CACNA2D3: variants seen among roughly 807,000 people sequenced by gnomAD.
CACNA2D3 encodes voltage-dependent calcium channel subunit alpha-2/delta-3.
Under a neutral mutation model 160.6 loss-of-function variants are expected in CACNA2D3, and 60 were observed. That is an observed-to-expected ratio of 0.37 (90% CI 0.30 to 0.46). The LOEUF is 0.46. CACNA2D3 is among the 20% of genes least tolerant of loss of function. CACNA2D3 has a pLI of 1.00. For missense variants in CACNA2D3, 1,205 were observed against 1,365.0 expected, an observed-to-expected ratio of 0.88 and a Z score of 1.85; for synonymous variants, 558 against 492.9, an observed-to-expected ratio of 1.13 and a Z score of -1.75.
intron 3 of CACNA2D3, among the ~76,000 whole-genome samples, chr3:54,331,557 T>G (rs1397751093): frequency 6.6e-6 from 1 of 152,208 alleles, no homozygotes; most frequent in Non-Finnish European, 1.5e-5. Flanking sequence ...TGAGTGCTTC[T>G]TGCTTGCCAA....
chr3:54,181,200 A>T (rs1339576214), intron 2 of CACNA2D3, among the ~76,000 whole-genome samples: 1 of 152,206 alleles, frequency 6.6e-6, no homozygotes, highest in Non-Finnish European at 1.5e-5. Context: ...TTTATTATAT[A>T]AGGAGGCACT....
At chr3:54,995,783 A>G (rs1199999398) in intron 31 of CACNA2D3, among the ~76,000 whole-genome samples, 1 of 152,222 alleles carries the variant, frequency 6.6e-6, no homozygotes, top group Non-Finnish European at 1.5e-5. Flanking sequence ...AGTTATTGTG[A>G]AACTACTGAT....
chr3:54,806,824 C>G (rs1703141487), intron 13 of CACNA2D3, among the ~76,000 whole-genome samples: 1 of 152,048 alleles, frequency 6.6e-6, no homozygotes, highest in African/African-American at 2.4e-5. Context: ...CTACAGTAAC[C>G]AAAACAGCAT....
At chr3:54,589,410 C>G (rs549212611) in intron 9 of CACNA2D3, among the ~76,000 whole-genome samples, 5 of 151,750 alleles carry the variant, frequency 3.3e-5, no homozygotes, top group African/African-American at 1.2e-4. Context: ...AGACTTAAAA[C>G]TATACAACCA....
chr3:54,905,178 A>G (rs1462824108), intron 27 of CACNA2D3, among the ~76,000 whole-genome samples: 1 of 152,212 alleles, frequency 6.6e-6, no homozygotes, highest in Non-Finnish European at 1.5e-5. Context: ...TTGATTTGCA[A>G]GAAACACAGA....
chr3:54,758,597 A>G (rs901451417), intron 12 of CACNA2D3, among the ~76,000 whole-genome samples: 1 of 152,126 alleles, frequency 6.6e-6, no homozygotes, highest in South Asian at 2.1e-4. Flanking sequence ...TGTGATCTTG[A>G]CAGGGAGGAG....
At chr3:54,853,147 A>C (rs1699096495) in intron 17 of CACNA2D3, among the ~76,000 whole-genome samples, 1 of 151,356 alleles carries the variant, frequency 6.6e-6, no homozygotes, top group Non-Finnish European at 1.5e-5. Flanking sequence ...GTCACCTCAG[A>C]GAAGCATCGC....
intron 4 of CACNA2D3, among the ~76,000 whole-genome samples, chr3:54,464,976 G>T (rs1401828701): frequency 6.6e-6 from 1 of 151,998 alleles, no homozygotes; most frequent in South Asian, 2.1e-4. Flanking sequence ...CTTCCATAAT[G>T]TGAACATTTG....
At chr3:54,517,641 A>C (rs1701574605) in intron 5 of CACNA2D3, among the ~76,000 whole-genome samples, 1 of 152,200 alleles carries the variant, frequency 6.6e-6, no homozygotes, top group Non-Finnish European at 1.5e-5. Context: ...CAGTGACGTC[A>C]GCAGTAGGTA....
At chr3:54,464,448 C>T (rs891377107) in intron 4 of CACNA2D3, among the ~76,000 whole-genome samples, 1 of 152,248 alleles carries the variant, frequency 6.6e-6, no homozygotes, top group African/African-American at 2.4e-5. Flanking sequence ...TTCCCGGCTG[C>T]TTTGTTTCCC....
intron 4 of CACNA2D3, among the ~76,000 whole-genome samples, chr3:54,492,382 C>A (rs1701124294): frequency 6.6e-6 from 1 of 152,220 alleles, no homozygotes; most frequent in Non-Finnish European, 1.5e-5. Flanking sequence ...ACCAGCTCCT[C>A]TGTCCAAATC....
At chr3:54,699,003 A>G (rs1700716716) in intron 11 of CACNA2D3, among the ~76,000 whole-genome samples, 1 of 152,184 alleles carries the variant, frequency 6.6e-6, no homozygotes, top group Non-Finnish European at 1.5e-5. Context: ...CATTTAGGTA[A>G]GAAGGGTGTA....
At chr3:54,656,834 A>C (rs1212256671) in intron 11 of CACNA2D3, among the ~76,000 whole-genome samples, 1 of 152,212 alleles carries the variant, frequency 6.6e-6, no homozygotes, top group African/African-American at 2.4e-5. Flanking sequence ...GGTACACAAA[A>C]ATTGCACATA....
intron 9 of CACNA2D3, among the ~76,000 whole-genome samples, chr3:54,595,785 A>G (rs1702943215): frequency 6.6e-6 from 1 of 152,110 alleles, no homozygotes; most frequent in Non-Finnish European, 1.5e-5. Context: ...GATTTGATTG[A>G]TTTGAAACTG....
intron 21 of CACNA2D3, 36 bp from the exon 22 acceptor site, chr3:54,885,245 A>G (rs1405330): frequency 0.72 from 1,151,792 of 1,609,900 alleles, 416,702 homozygotes; most frequent in African/African-American, 0.93. Flanking sequence ...TGGGGGAGTG[A>G]TACTTATTCA....
intron 2 of CACNA2D3, among the ~76,000 whole-genome samples, chr3:54,238,462 AAT>A (rs2107404096): frequency 6.6e-6 from 1 of 152,312 alleles, no homozygotes; most frequent in South Asian, 2.1e-4. Flanking sequence ...GGCTTATTTT[AAT>A]AGAAAAACTT....
At chr3:54,747,488 A>C (rs1701773953) in intron 11 of CACNA2D3, among the ~76,000 whole-genome samples, 2 of 152,142 alleles carry the variant, frequency 1.3e-5, no homozygotes, top group Non-Finnish European at 2.9e-5. Flanking sequence ...GGTTGAGTGC[A>C]CTGTTCATGG....
chr3:54,330,344 A>T (rs1420379821), intron 3 of CACNA2D3, among the ~76,000 whole-genome samples: 3 of 151,692 alleles, frequency 2.0e-5, no homozygotes, highest in Admixed American at 1.3e-4. Context: ...AGTGTGTTTG[A>T]TGGGATTTAT....
chr3:54,561,708 A>G (rs1702327868), intron 5 of CACNA2D3, among the ~76,000 whole-genome samples: 1 of 152,240 alleles, frequency 6.6e-6, no homozygotes, highest in Non-Finnish European at 1.5e-5. Context: ...AGATTTGCTC[A>G]TGGGATTCCA....
Sources: allele counts gnomAD v4.1 joint callset (sites outside exome capture counted in the v4.1 genomes callset), GRCh38; gene constraint gnomAD v4.1.1; transcripts MANE v1.5; gene names NCBI Gene and HGNC (gene_info 2026-07-23, HGNC 2026-07-21).